ICMT: variants seen among roughly 807,000 people sequenced by gnomAD.
ICMT encodes the protein isoprenylcysteine carboxyl methyltransferase.
In ICMT, 10 loss-of-function variants were observed where a neutral mutation model predicts 32.2. The observed-to-expected ratio is 0.31, with a 90% CI of 0.19 to 0.53. The LOEUF (loss-of-function observed/expected upper bound fraction) is 0.53, where lower values mean the gene tolerates loss of function less well. ICMT is among the 20% of genes least tolerant of loss of function. ICMT has a pLI of 0.96. For synonymous variants in ICMT, 183 were observed against 158.2 expected (o/e 1.16, Z -1.18); for missense variants, 265 against 356.9 (o/e 0.74, Z 2.07).
rs2100970438 is a variant in ICMT, at chr1:6,234,893, A to C, written c.277T>G (p.Phe93Val). ...LSFSQSSWSH[F>V]GWYMCSLSLF... ...TTCCGAAGGAATTCTTACCAGCCAA[A>C]GTGACTCCAAGAAGACTGGCTAAAA... Residue 93 changes from phenylalanine to valine, a missense_variant, in exon 2 of 5, where the codon TTT becomes GTT. Physicochemically the swap from Phe to Val is conservative, Grantham distance 50. Around this residue, in one of 2 missense-constraint regions of ICMT, gnomAD observed 166 missense variants for 264.3 expected, o/e 0.63. Transcript: ENST00000343813. The C allele has an allele frequency of 6.2e-7, 1 of 1,612,884 alleles. No individual in the cohort carries two copies. The highest frequency in any genetic ancestry group is 2.2e-5 in the East Asian group (1 of 44,878).
rs1668608878 is a variant in ICMT, at chr1:6,224,473, C to T, written c.*607G>A. On this transcript the variant is annotated 3_prime_UTR_variant, in exon 5 of 5. Coordinates refer to ENST00000343813, the MANE Select transcript of ICMT (RefSeq NM_012405.4). ...CACCAAGCATTGAGCTAGGAATACC[C>T]CTTTGAATGTGTACTGCTACTTATA... 6.6e-6 allele frequency: 1 copy of T among 152,166 alleles called. No homozygotes were observed. The highest frequency in any genetic ancestry group is 6.5e-5 in the Admixed American group (1 of 15,274). The allele number at this position is 152,166 out of a possible 1,614,324, so 9.4% of individuals were successfully genotyped here.
chr1:6,229,098 G>A (rs772550386), intron 4 of ICMT, among the ~76,000 whole-genome samples: 18 of 152,112 alleles, frequency 1.2e-4, no homozygotes, highest in Admixed American at 2.6e-4. Context: ...AGCACTTTGA[G>A]AGGCCGAGGC....
rs955508683 is a variant in ICMT at position 6,235,882 on chromosome 1, C to T, written c.30G>A (p.Pro10=). 2.6e-6 allele frequency: 3 copies of T among 1,139,208 alleles called. No individual in the cohort carries two copies. The highest frequency in any genetic ancestry group is 1.7e-5 in the African/African-American group (1 of 59,320). The allele number at this position is 1,139,208 out of a possible 1,614,324, so 70.6% of individuals were successfully genotyped here. A position where few individuals can be genotyped will look rare whatever the true frequency, so the allele number is the denominator to read the frequency against. Reference sequence around the variant, plus strand: ...CGAGGCTGAGACGCGCCTCAGAGCCCGGCGGAGCCCGCGCCGCGCAGCCCG... The same window carrying T: ...CGAGGCTGAGACGCGCCTCAGAGCCTGGCGGAGCCCGCGCCGCGCAGCCCG... MAGCAARAP[P]GSEARLSLAT... is the part of the protein sequence containing the mutation. Residue 10 remains proline, a synonymous_variant, in exon 1 of 5, where the codon CCG becomes CCA. Transcript: ENST00000343813.
intron 4 of ICMT, among the ~76,000 whole-genome samples, chr1:6,230,281 A>G (rs1305879260): frequency 6.6e-6 from 1 of 152,046 alleles, no homozygotes. Flanking sequence ...GGCCCAACTA[A>G]TTTTTGTATT....
rs1668771582 is a variant in ICMT at position 6,233,661 on chromosome 1, G to A, written c.285-18C>T. 3.7e-6 allele frequency: 6 copies of A among 1,604,538 alleles called. No individual in the cohort carries two copies. The highest frequency in any genetic ancestry group is 3.3e-4 in the Middle Eastern group (2 of 6,004). On this transcript the variant is annotated intron_variant, in intron 2 of 4. Coordinates refer to ENST00000343813, the MANE Select transcript of ICMT (RefSeq NM_012405.4). ...ACATGTACCTATTTAAAGACAAAAA[G>A]AGAGTTAAGTTGGGACAAGAGAACC...
chr1:6,232,944 G>A (rs1385196220), intron 3 of ICMT, among the ~76,000 whole-genome samples: 2 of 150,636 alleles, frequency 1.3e-5, no homozygotes, highest in East Asian at 3.9e-4. Flanking sequence ...TGCAACCTCC[G>A]CCTCCCGGAT....
At position 6,225,008 on chromosome 1, in the gene ICMT, G is replaced by C. The variant is rs759797381; in HGVS notation, c.*72C>G. On this transcript the variant is annotated 3_prime_UTR_variant, in exon 5 of 5. Transcript: ENST00000343813. ...CGATTAAGAAAATCCATGTGGCAGC[G>C]GCCAACCGGAAACAGTTTTGTCCCA... The C allele has an allele frequency of 1.8e-5, 24 of 1,297,628 alleles. No individual in the cohort carries two copies. The highest frequency in any genetic ancestry group is 2.6e-5 in the Non-Finnish European group (24 of 930,634). The allele number at this position is 1,297,628 out of a possible 1,614,324, so 80.4% of individuals were successfully genotyped here. A position where few individuals can be genotyped will look rare whatever the true frequency, so the allele number is the denominator to read the frequency against.
intron 4 of ICMT, among the ~76,000 whole-genome samples, chr1:6,231,507 G>C (rs1249305767): frequency 6.7e-6 from 1 of 149,158 alleles, no homozygotes; most frequent in African/African-American, 2.5e-5. Flanking sequence ...AAGAGTTTGA[G>C]ACCTGCCCAG....
chr1:6,233,622 C>T lies in ICMT; in HGVS notation c.306G>A (p.Leu102=). The T allele has an allele frequency of 6.2e-7, 1 of 1,612,512 alleles. No homozygotes were observed. The highest frequency in any genetic ancestry group is 1.1e-5 in the South Asian group (1 of 90,634). Residue 102 remains leucine (L), a synonymous_variant, in exon 3 of 5, where the codon TTG becomes TTA. Transcript: ENST00000343813. The part of the protein sequence containing the change: ...HFGWYMCSLS[L]FHYSEYLVTA... ...TCACCAAGTATTCAGAATAGTGGAA[C>T]AATGACAGGGAGCACATGTACCTAT... is the stretch of plus-strand genomic sequence containing the variant.
At chr1:6,227,633 A>G (rs1266238785) in intron 4 of ICMT, among the ~76,000 whole-genome samples, 5 of 152,220 alleles carry the variant, frequency 3.3e-5, no homozygotes, top group Admixed American at 3.3e-4. Context: ...AGGCAAGTGG[A>G]TCATGAGGTC....
Position 6,232,808 on chromosome 1 carries a change from A to G in ICMT, c.454+666T>C, listed in dbSNP as rs190332314. Among the ~76,000 whole-genome samples the G allele has an allele frequency of 6.0e-3, 907 of 151,654 alleles. 12 individuals are homozygous for G. The highest frequency in any genetic ancestry group is 0.021 in the African/African-American group (879 of 41,324). On this transcript the variant is annotated intron_variant, in intron 3 of 4. Coordinates refer to ENST00000343813, the MANE Select transcript of ICMT (RefSeq NM_012405.4). ...TGTGATCCACCCACCTCGGCCTCCC[A>G]AAGTGCTGGGATTAAAGGCGTGAGC...
intron 3 of ICMT, 62 bp downstream of exon 3, chr1:6,233,412 G>C: frequency 6.8e-7 from 1 of 1,473,564 alleles, no homozygotes; most frequent in Non-Finnish European, 9.3e-7. Flanking sequence ...CAATGTCACT[G>C]TCCTCAGCCT....
At position 6,223,703 on chromosome 1, in the gene ICMT, C is replaced by T. The variant is rs1032797769; in HGVS notation, c.*1377G>A. The T allele has an allele frequency of 2.0e-5, 3 of 152,242 alleles. No homozygotes were observed. The highest frequency in any genetic ancestry group is 4.4e-5 in the Non-Finnish European group (3 of 68,054). 9.4% of individuals were successfully genotyped at this position (152,242 alleles called of 1,614,324 possible). A position where few individuals can be genotyped will look rare whatever the true frequency, so the allele number is the denominator to read the frequency against. On this transcript the variant is annotated 3_prime_UTR_variant, in exon 5 of 5. Coordinates refer to ENST00000343813, the MANE Select transcript of ICMT (RefSeq NM_012405.4). The stretch of plus-strand genomic sequence containing the variant: ...ACCCCTGTGAGGTAGGTGGTATTGA[C>T]CCCATTCCACAGATGGGGAGGTCTA...
At chr1:6,235,689 G>GC in intron 1 of ICMT, 28 bp downstream of exon 1, 1 of 1,154,482 alleles carries the variant, frequency 8.7e-7, no homozygotes, top group Non-Finnish European at 1.1e-6. Flanking sequence ...CGCCCCGCCG[G>GC]CCCCCGCCGG....
At chr1:6,230,786 G>A (rs1345839520) in intron 4 of ICMT, among the ~76,000 whole-genome samples, 1 of 151,670 alleles carries the variant, frequency 6.6e-6, no homozygotes. Context: ...CTACTCAGGA[G>A]GCTGAAGCAA....
intron 4 of ICMT, among the ~76,000 whole-genome samples, chr1:6,227,804 C>T (rs1025661102): frequency 4.6e-5 from 7 of 150,754 alleles, no homozygotes; most frequent in Admixed American, 4.6e-4. Context: ...TGCAGTGAGC[C>T]GAGATTGCGC....
In ICMT at chr1:6,223,498, A is replaced by G. The variant is rs1668593653; in HGVS notation, c.*1582T>C. 1 of 152,452 alleles carries G rather than the reference A, an allele frequency of 6.6e-6. No homozygotes were observed. The highest frequency in any genetic ancestry group is 2.4e-5 in the African/African-American group (1 of 41,452). 9.4% of individuals were successfully genotyped at this position (152,452 alleles called of 1,614,324 possible). Reference sequence around the variant, plus strand: ...ATTCATTAAGCCATGAAATCTAGAAATAAGTCATATTTCTGAGTTGATAAA... The same window carrying G: ...ATTCATTAAGCCATGAAATCTAGAAGTAAGTCATATTTCTGAGTTGATAAA... On this transcript the variant is annotated 3_prime_UTR_variant, in exon 5 of 5. Coordinates refer to ENST00000343813, the MANE Select transcript of ICMT (RefSeq NM_012405.4).
Position 6,233,570 on chromosome 1 carries a change from A to T in ICMT, c.358T>A (p.Ser120Thr). Residue 120 changes from serine to threonine, a missense_variant, in exon 3 of 5, where the codon TCC becomes ACC. Coordinates refer to ENST00000343813, the MANE Select transcript of ICMT (RefSeq NM_012405.4). ...TGATTCAGGAGAAAGGAATCCAAGG[A>T]CAGACTTTTGGGATTATTGACTGCT... is the stretch of plus-strand genomic sequence containing the variant. ...VTAVNNPKSL[S>T]LDSFLLNHSL... 1 of 1,614,098 alleles carries T rather than the reference A, an allele frequency of 6.2e-7. No individual in the cohort carries two copies. Among genetic ancestry groups the T allele is most frequent in the Non-Finnish European group, 8.5e-7 (1 of 1,179,932 alleles).
At chr1:6,231,172 A>G (rs1668730106) in intron 4 of ICMT, among the ~76,000 whole-genome samples, 1 of 148,240 alleles carries the variant, frequency 6.7e-6, no homozygotes. Flanking sequence ...CTAGGTCTCA[A>G]AAAAAAAAAA....
Sources: gnomAD v4.1 joint callset for allele counts (sites outside exome capture counted in the v4.1 genomes callset) on GRCh38, gnomAD v4.1.1 for gene constraint, gnomAD v4.1.1 regional missense constraint, MANE v1.5 for transcripts, NCBI Gene and HGNC (gene_info 2026-07-23, HGNC 2026-07-21) for gene names.